Variants in ATG4C observed in about 807,000 individuals in gnomAD.
ATG4C encodes cysteine protease ATG4C.
Under a neutral mutation model 57.6 loss-of-function variants are expected in ATG4C, and 56 were observed. The ratio of observed to expected loss-of-function variants is 0.97; its 90% CI spans 0.78 to 1.21. ATG4C has a LOEUF of 1.21. Ranked by LOEUF, ATG4C falls within the 50% of genes most tolerant of loss-of-function variation. The probability of loss-of-function intolerance (pLI) is 0.00; values close to 1 mark genes in which losing one functional copy is unlikely to be tolerated. For synonymous variants in ATG4C, 157 were observed against 174.1 expected (o/e 0.90, Z 0.78); for missense variants, 595 against 529.8 (o/e 1.12, Z -1.21).
At position 62,786,043 on chromosome 1, in the gene ATG4C, A is replaced by G. The variant is rs150598801; in HGVS notation, c.-69+1770A>G. Reference sequence around the variant, plus strand: ...AGTATCCTCTTGTCCTCAGCTCTGCATAGATACTTTTAAAGCATTAGCGCA... The same window carrying G: ...AGTATCCTCTTGTCCTCAGCTCTGCGTAGATACTTTTAAAGCATTAGCGCA... On this transcript the variant is annotated intron_variant, in intron 1 of 10. Transcript: ENST00000317868. 3.4e-3 allele frequency among the ~76,000 whole-genome samples: 516 copies of G among 152,342 alleles called. 4 individuals are homozygous for G. Among genetic ancestry groups the G allele is most frequent in the African/African-American group, 0.012 (491 of 41,568 alleles).
chr1:62,825,324 C>T (rs562126871), intron 6 of ATG4C, among the ~76,000 whole-genome samples: 1 of 151,562 alleles, frequency 6.6e-6, no homozygotes, highest in Non-Finnish European at 1.5e-5. Flanking sequence ...CTCGCAGTAA[C>T]TTCTCAGTCC....
intron 10 of ATG4C, among the ~76,000 whole-genome samples, chr1:62,852,491 T>A (rs1421471559): frequency 1.3e-5 from 2 of 149,662 alleles, no homozygotes; most frequent in South Asian, 2.1e-4. Context: ...TTCTTTGTTA[T>A]TTTTTAGTTA....
chr1:62,841,425 C>T lies in ATG4C; in HGVS notation c.1090-3C>T, dbSNP rs1553229106. ...TAATCCTAAAGAACTTTAAAAATTA[C>T]AGACATTCCACTGCCCTTCTCCCAA... On this transcript the variant is annotated splice_polypyrimidine_tract_variant and splice_region_variant and intron_variant, in intron 9 of 10. Transcript: ENST00000317868. The T allele has an allele frequency of 8.8e-6, 14 of 1,599,410 alleles. No homozygotes were observed. In the South Asian group the frequency reaches 1.5e-4, roughly 17 times the overall value.
intron 3 of ATG4C, among the ~76,000 whole-genome samples, chr1:62,810,286 G>A (rs947733949): frequency 6.6e-6 from 1 of 152,170 alleles, no homozygotes; most frequent in Non-Finnish European, 1.5e-5. Flanking sequence ...GAAACTTACA[G>A]TCCAACAGAT....
At position 62,865,226 on chromosome 1, in the gene ATG4C, A is replaced by T. The variant is rs1396676746; in HGVS notation, c.*1067A>T. The T allele has an allele frequency of 1.3e-5, 2 of 151,972 alleles. No homozygotes were observed. Among genetic ancestry groups the T allele is most frequent in the Non-Finnish European group, 2.9e-5 (2 of 67,838 alleles). 9.4% of individuals were successfully genotyped at this position (151,972 alleles called of 1,614,324 possible). On this transcript the variant is annotated 3_prime_UTR_variant, in exon 11 of 11. Transcript: ENST00000317868. ...ATTTGAAAAATCAGTGTCTCAAATGAATTCTGTTCATTTATAATAAATGCA... is the reference window on the plus strand; with the variant it reads ...ATTTGAAAAATCAGTGTCTCAAATGTATTCTGTTCATTTATAATAAATGCA...
At chr1:62,822,941 G>A (rs1557975886) in intron 6 of ATG4C, among the ~76,000 whole-genome samples, 1 of 152,174 alleles carries the variant, frequency 6.6e-6, no homozygotes. Flanking sequence ...GATCACTTGA[G>A]CCCAGCAGTT....
Position 62,834,093 on chromosome 1 carries a change from C to T in ATG4C, c.989C>T (p.Ser330Leu). Residue 330 changes from serine (S) to leucine (L), a missense_variant, in exon 8 of 11, where the codon TCA becomes TTA. Physicochemically the swap from Ser to Leu is moderately radical, Grantham distance 145. Transcript: ENST00000317868. Reference sequence around the variant, plus strand: ...ATTATTGGTGGCAAACCTAAACAGTCATATTACTTTGCTGGATTTCAAGGT... The same window carrying T: ...ATTATTGGTGGCAAACCTAAACAGTTATATTACTTTGCTGGATTTCAAGGT... ...VGIIGGKPKQ[S>L]YYFAGFQDDS... 6.2e-7 allele frequency: 1 copy of T among 1,612,548 alleles called. No homozygotes were observed. Among genetic ancestry groups the T allele is most frequent in the Non-Finnish European group, 8.5e-7 (1 of 1,179,144 alleles).
chr1:62,796,335 TTTTCTC>T (rs777305669), intron 1 of ATG4C, among the ~76,000 whole-genome samples: 1 of 151,864 alleles, frequency 6.6e-6, no homozygotes, highest in Non-Finnish European at 1.5e-5. Flanking sequence ...ATTTATTACT[TTTTCTC>T]TTTCCAAATG....
chr1:62,820,991 C>T, intron 5 of ATG4C, 148 bp from the exon 6 acceptor site: 14 of 495,136 alleles, frequency 2.8e-5, no homozygotes, highest in Middle Eastern at 5.6e-4. Context: ...TGTCTGATAC[C>T]ATTCAGATAA....
intron 6 of ATG4C, among the ~76,000 whole-genome samples, chr1:62,821,508 G>A (rs534403339): frequency 1.3e-4 from 20 of 152,114 alleles, no homozygotes; most frequent in African/African-American, 4.6e-4. Context: ...ATGTATGCTG[G>A]GAACCATTTC....
At chr1:62,791,494 A>G (rs10889379) in intron 1 of ATG4C, among the ~76,000 whole-genome samples, 38,420 of 152,096 alleles carry the variant, frequency 0.25, 6,850 homozygotes, top group African/African-American at 0.5. Flanking sequence ...TATAGTTAAC[A>G]AAAGCTGAAA....
chr1:62,854,965 G>T (rs1480072023), intron 10 of ATG4C, among the ~76,000 whole-genome samples: 1 of 151,894 alleles, frequency 6.6e-6, no homozygotes, highest in Admixed American at 6.6e-5. Flanking sequence ...AGCTTCTGAA[G>T]TCATCACTGT....
chr1:62,817,310 C>G (rs1269052597), intron 4 of ATG4C, among the ~76,000 whole-genome samples: 1 of 152,032 alleles, frequency 6.6e-6, no homozygotes. Flanking sequence ...TGTGATTATA[C>G]TCAATTATAT....
chr1:62,835,827 A>T (rs1247900835), intron 9 of ATG4C, among the ~76,000 whole-genome samples: 1 of 152,006 alleles, frequency 6.6e-6, no homozygotes, highest in African/African-American at 2.4e-5. Context: ...TTGCTAGTTG[A>T]CTGATTGGTA....
At chr1:62,785,318 A>G (rs929605680) in intron 1 of ATG4C, 9 of 152,222 alleles carry the variant, frequency 5.9e-5, no homozygotes, top group African/African-American at 1.7e-4. Flanking sequence ...TTGAACAGGA[A>G]GAGTTTCTAT....
chr1:62,833,774 A>C (rs957524644), intron 7 of ATG4C, among the ~76,000 whole-genome samples: 10 of 152,086 alleles, frequency 6.6e-5, no homozygotes, highest in African/African-American at 2.4e-4. Context: ...AAAATTGATT[A>C]TCTCTCTATG....
intron 1 of ATG4C, among the ~76,000 whole-genome samples, chr1:62,791,197 A>G (rs748550529): frequency 2.6e-5 from 4 of 152,220 alleles, no homozygotes; most frequent in Non-Finnish European, 5.9e-5. Context: ...TTTGCTTATT[A>G]GAATGTAAGA....
chr1:62,819,327 C>G lies in ATG4C; in HGVS notation c.717C>G (p.His239Gln). 1 of 1,577,408 alleles carries G rather than the reference C, an allele frequency of 6.3e-7. No individual in the cohort carries two copies. Among genetic ancestry groups the G allele is most frequent in the Non-Finnish European group, 8.6e-7 (1 of 1,167,266 alleles). Reference sequence around the variant, plus strand: ...GGTATGGACCAGCTGTGGTTGCTCACATTTTAAGGTAAAATTGTTTTAAAA... The same window carrying G: ...GGTATGGACCAGCTGTGGTTGCTCAGATTTTAAGGTAAAATTGTTTTAAAA... ...GDWYGPAVVAHILRKAVEEAR... is the reference protein window; with the variant it reads ...GDWYGPAVVAQILRKAVEEAR... Residue 239 changes from histidine to glutamine, a missense_variant, in exon 5 of 11, where the codon CAC (histidine) becomes CAG (glutamine). Physicochemically the swap from His to Gln is conservative, Grantham distance 24. Transcript: ENST00000317868.
intron 2 of ATG4C, among the ~76,000 whole-genome samples, chr1:62,804,096 T>C (rs941426982): frequency 4.6e-5 from 7 of 151,586 alleles, no homozygotes; most frequent in Admixed American, 2.0e-4. Context: ...TTTCTTTTTT[T>C]TTTTTTTTGA....
Sources: allele counts gnomAD v4.1 joint callset (sites outside exome capture counted in the v4.1 genomes callset), GRCh38; gene constraint gnomAD v4.1.1; transcripts MANE v1.5; gene names NCBI Gene and HGNC (gene_info 2026-07-23, HGNC 2026-07-21).